The following MED12L variants were observed in gnomAD, a reference collection of about 807,000 sequenced individuals.
The protein encoded by MED12L is mediator complex subunit 12L.
In MED12L, 60 loss-of-function variants were observed where a neutral mutation model predicts 281.3. The observed-to-expected ratio is 0.21, with a 90% CI of 0.17 to 0.26. The LOEUF is 0.26. MED12L is among the 10% of genes least tolerant of loss of function. MED12L has a pLI of 1.00. For synonymous variants in MED12L, 974 were observed against 987.2 expected, an observed-to-expected ratio of 0.99 and a Z score of 0.25; for missense variants, 2,146 against 2,680.9, an observed-to-expected ratio of 0.80 and a Z score of 4.41.
intron 35 of MED12L, chr3:151,384,792 T>C (rs1203508839): frequency 2.3e-6 from 1 of 433,330 alleles, no homozygotes. Flanking sequence ...AGCACTATGA[T>C]GTTTGTTGTG....
At position 151,372,651 on chromosome 3, in the gene MED12L, CTGA is replaced by C. The variant is rs754214730; in HGVS notation, c.3754_3756del (p.Asp1252del). The C allele has an allele frequency of 1.3e-4, 209 of 1,613,712 alleles. No homozygotes were observed. Among genetic ancestry groups the C allele is most frequent in the Non-Finnish European group, 1.7e-4 (201 of 1,179,776 alleles). On this transcript the variant is annotated inframe_deletion, in exon 27 of 45. Transcript: ENST00000687756. ...AGAGGTTTGCGATGTGATGGGAATG[CTGA>C]TGATATCTGGACTGCCTCACAAAAT...
chr3:151,193,849 G>A, intron 16 of MED12L, 183 bp downstream of exon 16: 6 of 472,578 alleles, frequency 1.3e-5, no homozygotes, highest in Non-Finnish European at 2.2e-5. Flanking sequence ...GTCCGAATTT[G>A]TAGTGATATT....
At chr3:151,410,599 C>G (rs1716826994) in intron 40 of MED12L, among the ~76,000 whole-genome samples, 1 of 152,160 alleles carries the variant, frequency 6.6e-6, no homozygotes, top group Admixed American at 6.6e-5. Flanking sequence ...CATAAGGTGA[C>G]AATACACAAA....
chr3:151,385,108 G>A lies in MED12L; in HGVS notation c.5005G>A (p.Val1669Ile), dbSNP rs755313927. 5.6e-6 allele frequency: 9 copies of A among 1,612,618 alleles called. No homozygotes were observed. Among genetic ancestry groups the A allele is most frequent in the Non-Finnish European group, 6.8e-6 (8 of 1,179,394 alleles). ...LLPLPKQTCD[V>I]ITCEPMGSLI... ...ACCTTTGCCGAAACAGACATGTGATGTCATCACTTGTGAACCTATGGGTTC... is the reference window on the plus strand; with the variant it reads ...ACCTTTGCCGAAACAGACATGTGATATCATCACTTGTGAACCTATGGGTTC... The change falls in exon 36 of 45, where the codon GTC (valine) becomes ATC (isoleucine). Residue 1669 changes from valine to isoleucine, a missense_variant. Transcript: ENST00000687756.
chr3:151,397,907 T>C (rs1715188868), intron 39 of MED12L, among the ~76,000 whole-genome samples: 1 of 152,230 alleles, frequency 6.6e-6, no homozygotes, highest in African/African-American at 2.4e-5. Context: ...ATTTTGGAAT[T>C]CAGCAGATGC....
intron 3 of MED12L, among the ~76,000 whole-genome samples, chr3:151,121,060 C>G (rs1257892151): frequency 6.6e-6 from 1 of 152,098 alleles, no homozygotes; most frequent in African/African-American, 2.4e-5. Context: ...TTATTAAATA[C>G]TTAAAGATAA....
chr3:151,306,154 T>A (rs992057714), intron 16 of MED12L, among the ~76,000 whole-genome samples: 3 of 152,210 alleles, frequency 2.0e-5, no homozygotes, highest in African/African-American at 7.2e-5. Context: ...TTGTTCTACT[T>A]TGATTATAAA....
chr3:151,320,671 G>A (rs1748892347), intron 16 of MED12L, among the ~76,000 whole-genome samples: 2 of 152,180 alleles, frequency 1.3e-5, no homozygotes, highest in African/African-American at 4.8e-5. Flanking sequence ...AAAGGGAAGG[G>A]GGATGGTTTG....
chr3:151,318,020 A>G (rs1232324190), intron 16 of MED12L, among the ~76,000 whole-genome samples: 2 of 152,152 alleles, frequency 1.3e-5, no homozygotes, highest in Non-Finnish European at 1.5e-5. Flanking sequence ...TTATGTTTTT[A>G]CAGAAAAACA....
intron 27 of MED12L, among the ~76,000 whole-genome samples, chr3:151,375,804 TA>T (rs904741957): frequency 5.3e-5 from 8 of 152,114 alleles, no homozygotes; most frequent in African/African-American, 1.7e-4. Context: ...TTTTTCCCAT[TA>T]AAAAATGTTT....
intron 16 of MED12L, chr3:151,294,468 C>T (rs1744782634): frequency 6.2e-7 from 1 of 1,614,192 alleles, no homozygotes; most frequent in East Asian, 2.2e-5. Context: ...GTAAAAAACA[C>T]AGCCACAACA....
chr3:151,430,216 C>T, intron 43 of MED12L, 83 bp from the exon 44 acceptor site: 1 of 1,591,672 alleles, frequency 6.3e-7, no homozygotes. Context: ...ACCTTACAGA[C>T]TGGCCCTGCG....
chr3:151,106,221 T>C (rs889435782), intron 2 of MED12L, among the ~76,000 whole-genome samples: 3 of 149,386 alleles, frequency 2.0e-5, no homozygotes, highest in Admixed American at 1.3e-4. Flanking sequence ...TTTTTCTTTC[T>C]TTCCTTCCTT....
Position 151,299,898 on chromosome 3 carries a change from G to A in MED12L, c.2251-50161G>A, listed in dbSNP as rs1050505895. On this transcript the variant is annotated intron_variant, in intron 16 of 44. Coordinates refer to ENST00000687756, the MANE Select transcript of MED12L (RefSeq NM_001393769.1). ...GATAGCAAGCTAAATTTATCTCAGC[G>A]ATACTGTCCTGCATGTTTGCTGTTT... is the stretch of plus-strand genomic sequence containing the variant. Among the ~76,000 whole-genome samples the A allele has an allele frequency of 3.9e-5, 6 of 152,138 alleles. No homozygotes were observed. In the East Asian group the frequency reaches 9.6e-4, roughly 24 times the overall value.
chr3:151,218,731 G>A (rs903311027), intron 16 of MED12L, among the ~76,000 whole-genome samples: 4 of 151,702 alleles, frequency 2.6e-5, no homozygotes, highest in Non-Finnish European at 5.9e-5. Context: ...GCCAGGTGTG[G>A]TGGCATACAC....
rs755133382 is a variant in MED12L at position 151,360,495 on chromosome 3, T to A, written c.2847T>A (p.His949Gln). The A allele has an allele frequency of 6.2e-6, 10 of 1,612,698 alleles. No individual in the cohort carries two copies. The Admixed American group carries it at 1.7e-4, about 27-fold the overall frequency. The change falls in exon 21 of 45, where the codon CAT becomes CAA. Residue 949 changes from histidine (H) to glutamine (Q), a missense_variant. His to Gln is a conservative substitution (Grantham distance 24). Coordinates refer to ENST00000687756, the MANE Select transcript of MED12L (RefSeq NM_001393769.1). The part of the protein sequence containing the change: ...VFEGLCGVVK[H>Q]VVNPSECSSP... ...TCAGGTTGTGTGGTGTGGTCAAGCA[T>A]GTCGTAAACCCCTCAGAATGTTCTT...
At chr3:151,304,179 A>G (rs1009651565) in intron 16 of MED12L, among the ~76,000 whole-genome samples, 8 of 152,226 alleles carry the variant, frequency 5.3e-5, no homozygotes, top group African/African-American at 1.9e-4. Context: ...TTTCAAAAAA[A>G]GAACATGCCT....
At chr3:151,169,016 T>C (rs1721058330) in intron 11 of MED12L, among the ~76,000 whole-genome samples, 1 of 152,138 alleles carries the variant, frequency 6.6e-6, no homozygotes, top group African/African-American at 2.4e-5. Context: ...TCTGTATGTA[T>C]GGTATATGCA....
chr3:151,184,352 C>A (rs184087646), intron 11 of MED12L, among the ~76,000 whole-genome samples: 1 of 152,174 alleles, frequency 6.6e-6, no homozygotes. Context: ...TCTTCCATGG[C>A]GTGTGCTCAT....
Sources: gnomAD v4.1 joint callset for allele counts (sites outside exome capture counted in the v4.1 genomes callset) on GRCh38, gnomAD v4.1.1 for gene constraint, MANE v1.5 for transcripts, NCBI Gene and HGNC (gene_info 2026-07-23, HGNC 2026-07-21) for gene names.